SPHKAP: variants seen among roughly 807,000 people sequenced by gnomAD.
SPHKAP encodes SPHK1 interactor, AKAP domain containing, also known as A-kinase anchor protein SPHKAP.
A neutral mutation model predicts 137.5 loss-of-function variants in SPHKAP; 67 were observed. The ratio of observed to expected loss-of-function variants is 0.49; its 90% confidence interval spans 0.40 to 0.60. The LOEUF is 0.60. Among genes scored for constraint, SPHKAP ranks in the 20% least tolerant of loss-of-function variants. The pLI is 0.00. For synonymous variants in SPHKAP, 813 were observed against 785.3 expected (o/e 1.04, Z -0.59); for missense variants, 2,097 against 2,069.3 (o/e 1.01, Z -0.26).
intron 4 of SPHKAP, 68 bp from the exon 5 acceptor site, chr2:228,025,596 T>C: frequency 6.4e-7 from 1 of 1,570,976 alleles, no homozygotes; most frequent in South Asian, 1.2e-5. Context: ...CAAACTACTT[T>C]ACCTTCAGAA....
intron 11 of SPHKAP, among the ~76,000 whole-genome samples, chr2:227,989,696 C>G (rs1693340397): frequency 6.6e-6 from 1 of 152,018 alleles, no homozygotes; most frequent in African/African-American, 2.4e-5. Context: ...ACCTCCACTT[C>G]CTGGGTTCAA....
intron 2 of SPHKAP, among the ~76,000 whole-genome samples, chr2:228,126,424 G>A (rs7562755): frequency 0.088 from 13,450 of 152,082 alleles, 785 homozygotes; most frequent in Middle Eastern, 0.13. Flanking sequence ...AATTATCAAT[G>A]TCAGTTAAGG....
At chr2:228,158,354 A>G (rs1243601563) in intron 1 of SPHKAP, among the ~76,000 whole-genome samples, 1 of 118,732 alleles carries the variant, frequency 8.4e-6, no homozygotes, top group East Asian at 2.5e-4. Context: ...AGCACAGTCT[A>G]TGTGATTTTA....
At chr2:227,988,305 A>T (rs1005288601) in intron 11 of SPHKAP, among the ~76,000 whole-genome samples, 1 of 152,218 alleles carries the variant, frequency 6.6e-6, no homozygotes, top group Non-Finnish European at 1.5e-5. Context: ...CTAAGATTAC[A>T]TTATTTAGAA....
At chr2:228,164,486 A>G (rs771346079) in intron 1 of SPHKAP, among the ~76,000 whole-genome samples, 2 of 152,242 alleles carry the variant, frequency 1.3e-5, no homozygotes, top group South Asian at 2.1e-4. Context: ...TATTGAAGTT[A>G]TAGTTTCAAC....
At chr2:228,014,377 T>TA (rs1196218256) in intron 7 of SPHKAP, among the ~76,000 whole-genome samples, 1 of 152,226 alleles carries the variant, frequency 6.6e-6, no homozygotes, top group Non-Finnish European at 1.5e-5. Context: ...CTGATCACTT[T>TA]AAAAAATTTG....
rs535121231 is a variant in SPHKAP at position 228,016,712 on chromosome 2, T to C, written c.4142A>G (p.Gln1381Arg). The change falls in exon 7 of 12, where the codon CAG becomes CGG. Residue 1381 changes from glutamine to arginine, a missense_variant. Physicochemically the swap from Gln to Arg is conservative, Grantham distance 43. Transcript: ENST00000392056. ...TTTGCTCAAAGATGACACTGGGGGC[T>C]GTTTACATTCGGTAACAGAGTCTTT... is the stretch of plus-strand genomic sequence containing the variant. ...PRKDSVTECK[Q>R]PPVSSLSKTA... 59 of 1,614,178 alleles carry C rather than the reference T, an allele frequency of 3.7e-5. No homozygotes were observed. The South Asian group carries it at 6.4e-4, about 17-fold the overall frequency.
intron 1 of SPHKAP, among the ~76,000 whole-genome samples, chr2:228,168,638 C>T (rs1302214294): frequency 1.3e-5 from 2 of 152,026 alleles, no homozygotes; most frequent in Non-Finnish European, 2.9e-5. Flanking sequence ...TTTTTCCTCT[C>T]CTTGGGTCTC....
intron 3 of SPHKAP, among the ~76,000 whole-genome samples, chr2:228,106,695 T>C (rs548920777): frequency 1.2e-4 from 18 of 152,184 alleles, no homozygotes; most frequent in Non-Finnish European, 1.5e-4. Flanking sequence ...CTTGTCCTAG[T>C]CCATCACCTC....
chr2:228,013,561 C>T lies in SPHKAP; in HGVS notation c.4448+2845G>A, dbSNP rs79474442. 4.0e-3 allele frequency among the ~76,000 whole-genome samples: 607 copies of T among 152,152 alleles called. 3 individuals carry two copies. Among genetic ancestry groups the T allele is most frequent in the African/African-American group, 0.013 (559 of 41,520 alleles). ...TGCCCAGCTTTTAAGATACTTCTTT[C>T]GGAAAAAATTTCCTGGAATAAGGGT... On this transcript the variant is annotated intron_variant, in intron 7 of 11. Transcript: ENST00000392056.
intron 3 of SPHKAP, among the ~76,000 whole-genome samples, chr2:228,036,431 G>A (rs1695598659): frequency 1.3e-5 from 2 of 152,206 alleles, no homozygotes; most frequent in Admixed American, 1.3e-4. Flanking sequence ...TTACACTGTT[G>A]GTGGCACTGT....
At chr2:228,061,818 AC>A (rs1370089269) in intron 3 of SPHKAP, among the ~76,000 whole-genome samples, 2 of 152,082 alleles carry the variant, frequency 1.3e-5, no homozygotes, top group Non-Finnish European at 2.9e-5. Flanking sequence ...ACTAAAAAAA[AC>A]AAAACCAAAA....
At chr2:228,155,779 G>A (rs933727159) in intron 1 of SPHKAP, among the ~76,000 whole-genome samples, 1 of 152,124 alleles carries the variant, frequency 6.6e-6, no homozygotes, top group Non-Finnish European at 1.5e-5. Context: ...TTCCTAAAAT[G>A]TCCAAAAGTG....
intron 7 of SPHKAP, among the ~76,000 whole-genome samples, chr2:227,999,425 C>T (rs993119667): frequency 7.2e-5 from 11 of 152,076 alleles, no homozygotes; most frequent in Admixed American, 7.2e-4. Context: ...ACATATATCC[C>T]CAACACAGTG....
intron 1 of SPHKAP, among the ~76,000 whole-genome samples, chr2:228,150,462 T>C (rs1462820246): frequency 6.6e-6 from 1 of 152,186 alleles, no homozygotes; most frequent in Non-Finnish European, 1.5e-5. Flanking sequence ...GTCTGTAGAC[T>C]ATTCGTGGTT....
At chr2:228,001,267 A>ATG (rs1202844020) in intron 7 of SPHKAP, among the ~76,000 whole-genome samples, 2 of 114,646 alleles carry the variant, frequency 1.7e-5, no homozygotes, top group Non-Finnish European at 3.6e-5. Context: ...ACACACATAT[A>ATG]TAAATATATC....
chr2:228,027,878 A>C, intron 3 of SPHKAP: 1 of 359,030 alleles, frequency 2.8e-6, no homozygotes, highest in Non-Finnish European at 3.8e-6. Context: ...AGGCAGGAGA[A>C]TTGCTTGAAC....
At chr2:228,074,760 C>T (rs552162769) in intron 3 of SPHKAP, among the ~76,000 whole-genome samples, 3 of 152,200 alleles carry the variant, frequency 2.0e-5, no homozygotes, top group African/African-American at 7.2e-5. Flanking sequence ...TTCTATTCTC[C>T]TTCCCTTCTG....
chr2:228,094,614 A>AT (rs568500343), intron 3 of SPHKAP, among the ~76,000 whole-genome samples: 1 of 152,178 alleles, frequency 6.6e-6, no homozygotes, highest in Non-Finnish European at 1.5e-5. Context: ...TTGGCCTGGC[A>AT]TTTTGCGTGC....
Sources: gnomAD v4.1 joint callset for allele counts (sites outside exome capture counted in the v4.1 genomes callset) on GRCh38, gnomAD v4.1.1 for gene constraint, MANE v1.5 for transcripts, NCBI Gene and HGNC (gene_info 2026-07-23, HGNC 2026-07-21) for gene names.